The following RFPL4A variants were observed in gnomAD, a reference collection of about 807,000 sequenced individuals.
RFPL4A encodes the protein ret finger protein like 4A.
RFPL4A carries 4 observed loss-of-function variants against 8.3 expected under a neutral mutation model. The ratio of observed to expected loss-of-function variants is 0.48; its 90% CI spans 0.24 to 1.10. RFPL4A has a LOEUF of 1.10. RFPL4A is among the 50% of genes least tolerant of loss of function. The pLI, the probability that RFPL4A is intolerant of heterozygous loss-of-function variation, is 0.18. For synonymous variants in RFPL4A, 43 were observed against 136.6 expected (o/e 0.31, Z 4.78); for missense variants, 111 against 358.7 (o/e 0.31, Z 5.58).
rs1334666072 is a variant in RFPL4A at position 55,763,400 on chromosome 19, A to G, written c.*225A>G. 6.7e-6 allele frequency among the ~76,000 whole-genome samples: 1 copy of G among 150,134 alleles called. No homozygotes were observed. The highest frequency in any genetic ancestry group is 2.5e-5 in the African/African-American group (1 of 39,490). On this transcript the variant is annotated 3_prime_UTR_variant, in exon 3 of 3. Coordinates refer to ENST00000434937, the MANE Select transcript of RFPL4A (RefSeq NM_001145014.2). ...GGGCTTATGTTTATATTTCTGTTCA[A>G]TAAATATTTTGAAAATTCAGATTCA...
At chr19:55,759,980 C>G (rs56325908) in intron 1 of RFPL4A, among the ~76,000 whole-genome samples, 2,407 of 151,748 alleles carry the variant, frequency 0.016, 91 homozygotes, top group African/African-American at 0.054. Context: ...TTCCATGGCT[C>G]TTGTGAATAA....
intron 1 of RFPL4A, among the ~76,000 whole-genome samples, chr19:55,760,640 T>C (rs1989262337): frequency 1.3e-5 from 2 of 151,618 alleles, no homozygotes; most frequent in South Asian, 4.2e-4. Context: ...TTTAGTGTGA[T>C]AATGACCACG....
chr19:55,760,722 C>A (rs112817394), intron 1 of RFPL4A, among the ~76,000 whole-genome samples: 1 of 151,560 alleles, frequency 6.6e-6, no homozygotes, highest in African/African-American at 2.4e-5. Flanking sequence ...AGCCCAGGTT[C>A]CTCCTTGTCC....
chr19:55,762,533 A>G (rs1219830747), intron 2 of RFPL4A, 65 bp from the exon 3 acceptor site: 1 of 1,512,432 alleles, frequency 6.6e-7, no homozygotes, highest in African/African-American at 1.4e-5. Context: ...AAGTGTTTGC[A>G]GTCAAAGGGC....
At chr19:55,758,157 A>G (rs373964126), upstream of RFPL4A, among the ~76,000 whole-genome samples, 3,821 of 121,584 alleles carry the variant, frequency 0.031, 6 homozygotes, top group African/African-American at 0.065. Flanking sequence ...AAGAAATGCA[A>G]TGTGCAAGGA....
chr19:55,762,224 T>C lies in RFPL4A; in HGVS notation c.286+138T>C, dbSNP rs534728872. 6.3e-5 allele frequency: 41 copies of C among 646,782 alleles called. 1 individual carries two copies. In the South Asian group the frequency reaches 7.8e-4, roughly 12 times the overall value. The allele number at this position is 646,782 out of a possible 1,614,324, so 40.1% of individuals were successfully genotyped here. The stretch of plus-strand genomic sequence containing the variant: ...CATGCTTCACAAACAACAGCAGTTC[T>C]CACCTTTGCGTAGAGATTTTCATGG... On this transcript the variant is annotated intron_variant, in intron 2 of 2. Transcript: ENST00000434937.
At chr19:55,759,515 C>T (rs889022891) in intron 1 of RFPL4A, among the ~76,000 whole-genome samples, 1 of 151,382 alleles carries the variant, frequency 6.6e-6, no homozygotes, top group African/African-American at 2.4e-5. Context: ...CCCACAACCC[C>T]TGGCAACCAT....
rs992423889 is a variant in RFPL4A at position 55,763,178 on chromosome 19, A to C, written c.*3A>C. On this transcript the variant is annotated 3_prime_UTR_variant, in exon 3 of 3. Transcript: ENST00000434937. ...CAGTTTCTTCTGAGGGAAAGTAAATAAACATTTGAACATAATCATCTTTAG... is the reference window on the plus strand; with the variant it reads ...CAGTTTCTTCTGAGGGAAAGTAAATCAACATTTGAACATAATCATCTTTAG... 1 of 1,534,696 alleles carries C rather than the reference A, an allele frequency of 6.5e-7. No homozygotes were observed. Among genetic ancestry groups the C allele is most frequent in the African/African-American group, 1.6e-5 (1 of 62,588 alleles).
rs750097514 is a variant in RFPL4A at position 55,762,556 on chromosome 19, T to C, written c.287-42T>C. The C allele has an allele frequency of 6.4e-6, 10 of 1,551,298 alleles. 2 individuals are homozygous for C. In the South Asian group the frequency reaches 1.1e-4, roughly 17 times the overall value. On this transcript the variant is annotated intron_variant, in intron 2 of 2. Coordinates refer to ENST00000434937, the MANE Select transcript of RFPL4A (RefSeq NM_001145014.2). ...GCAGTCAAAGGGCAGAGGGAGTCTG[T>C]AGTGTGTGTCTTTGCTGAACTCCTG...
intron 1 of RFPL4A, among the ~76,000 whole-genome samples, chr19:55,760,822 T>C (rs140538940): frequency 0.012 from 1,742 of 151,224 alleles, 45 homozygotes; most frequent in South Asian, 0.048. Flanking sequence ...GATTCTCTTG[T>C]GACCACACAG....
At chr19:55,758,525 C>T (rs1347936492), upstream of RFPL4A, among the ~76,000 whole-genome samples, 3 of 151,202 alleles carry the variant, frequency 2.0e-5, no homozygotes, top group African/African-American at 7.3e-5. Flanking sequence ...GTAACAGTAA[C>T]GTTTAACTTT....
chr19:55,757,757 G>A (rs1165279015), upstream of RFPL4A, among the ~76,000 whole-genome samples: 5 of 152,058 alleles, frequency 3.3e-5, no homozygotes, highest in Non-Finnish European at 1.5e-5. Flanking sequence ...CAAGACATGA[G>A]CATGAATGCA....
chr19:55,761,477 A>G (rs1989281061), intron 1 of RFPL4A, among the ~76,000 whole-genome samples: 1 of 140,442 alleles, frequency 7.1e-6, no homozygotes, highest in Admixed American at 7.0e-5. Context: ...GATACACCCC[A>G]TTTCAGGTCT....
In RFPL4A at chr19:55,761,688, G is replaced by A. The variant is rs1170476550; in HGVS notation, c.-9-104G>A. On this transcript the variant is annotated intron_variant, in intron 1 of 2. Transcript: ENST00000434937. ...ACTAGCAGTAGTGATTTTAAGTGTC[G>A]TGCTATGATAGCTCCATGCATGTAA... is the stretch of plus-strand genomic sequence containing the variant. The A allele has an allele frequency of 3.2e-5, 47 of 1,482,448 alleles. 2 individuals are homozygous for A. The highest frequency in any genetic ancestry group is 1.2e-4 in the Admixed American group (6 of 49,056). 91.8% of individuals were successfully genotyped at this position (1,482,448 alleles called of 1,614,324 possible). A position where few individuals can be genotyped will look rare whatever the true frequency, so the allele number is the denominator to read the frequency against.
chr19:55,757,663 T>C (rs545469382), upstream of RFPL4A, among the ~76,000 whole-genome samples: 1 of 152,166 alleles, frequency 6.6e-6, no homozygotes, highest in East Asian at 1.9e-4. Flanking sequence ...ATGTGGAAAG[T>C]ATCTAACACC....
At chr19:55,758,169 T>A (rs1405076667), upstream of RFPL4A, among the ~76,000 whole-genome samples, 2 of 152,292 alleles carry the variant, frequency 1.3e-5, no homozygotes, top group East Asian at 3.9e-4. Context: ...GTGCAAGGAT[T>A]TCATCTAATA....
upstream of RFPL4A, among the ~76,000 whole-genome samples, chr19:55,758,256 T>C (rs1233403744): frequency 9.2e-5 from 14 of 152,284 alleles, no homozygotes; most frequent in African/African-American, 2.4e-5. Flanking sequence ...TGCCTTGGCT[T>C]TGAATAGGAA....
upstream of RFPL4A, among the ~76,000 whole-genome samples, chr19:55,758,250 T>G (rs1399214561): frequency 6.6e-6 from 1 of 152,300 alleles, no homozygotes; most frequent in African/African-American, 2.4e-5. Context: ...GAGAACTGCC[T>G]TGGCTTTGAA....
chr19:55,761,085 CTTTT>C (rs569591290), intron 1 of RFPL4A, among the ~76,000 whole-genome samples: 2 of 94,556 alleles, frequency 2.1e-5, no homozygotes, highest in African/African-American at 3.4e-5. Flanking sequence ...CTGGTTTTTC[CTTTT>C]TTTTTTTTTT....
Sources: gnomAD v4.1 joint callset for allele counts (sites outside exome capture counted in the v4.1 genomes callset) on GRCh38, gnomAD v4.1.1 for gene constraint, MANE v1.5 for transcripts, NCBI Gene and HGNC (gene_info 2026-07-23, HGNC 2026-07-21) for gene names.